ARHGAP25: variants seen among roughly 807,000 people sequenced by gnomAD.
The protein encoded by ARHGAP25 is rho GTPase-activating protein 25.
Under a neutral mutation model 71.0 loss-of-function variants are expected in ARHGAP25, and 34 were observed. The observed-to-expected ratio is 0.48, with a 90% CI of 0.36 to 0.64. The LOEUF is 0.64. ARHGAP25 is among the 30% of genes least tolerant of loss of function. The pLI, the probability that ARHGAP25 is intolerant of heterozygous loss-of-function variation, is 0.00. For synonymous variants in ARHGAP25, 282 were observed against 296.5 expected (o/e 0.95, Z 0.50); for missense variants, 706 against 805.1 (o/e 0.88, Z 1.49).
intron 1 of ARHGAP25, among the ~76,000 whole-genome samples, chr2:68,745,825 G>A (rs1264231806): frequency 3.9e-5 from 6 of 152,222 alleles, no homozygotes; most frequent in Admixed American, 2.0e-4. Context: ...CAAGATCCAT[G>A]TCTGGTGAAG....
chr2:68,776,632 G>C (rs1372544195), intron 2 of ARHGAP25, among the ~76,000 whole-genome samples: 1 of 152,156 alleles, frequency 6.6e-6, no homozygotes, highest in Non-Finnish European at 1.5e-5. Flanking sequence ...GGCCATTGTG[G>C]TGTGTGAGAA....
chr2:68,822,691 A>T lies in ARHGAP25; in HGVS notation c.1552A>T (p.Ser518Cys). ...GCCAGGGTCCCCTGGGGAGGAAGCC[A>T]GTGCACTCTCTTCCCAAGCCTGTGA... ...SLPGSPGEEA[S>C]ALSSQACDSK... Residue 518 changes from serine to cysteine, a missense_variant, in exon 10 of 11, where the codon AGT becomes TGT. By Grantham distance (112) the Ser-to-Cys change is moderately radical. Transcript: ENST00000409202. 6.2e-7 allele frequency: 1 copy of T among 1,614,148 alleles called. No homozygotes were observed. The highest frequency in any genetic ancestry group is 2.2e-5 in the East Asian group (1 of 44,886).
At chr2:68,821,353 G>A (rs1324142276) in intron 9 of ARHGAP25, among the ~76,000 whole-genome samples, 2 of 152,080 alleles carry the variant, frequency 1.3e-5, no homozygotes, top group African/African-American at 4.8e-5. Flanking sequence ...ACCCTCCTCA[G>A]CCTCCCAAAG....
chr2:68,763,434 A>C (rs1250644328), intron 1 of ARHGAP25, among the ~76,000 whole-genome samples: 1 of 152,148 alleles, frequency 6.6e-6, no homozygotes, highest in African/African-American at 2.4e-5. Context: ...CTGTAGTTGC[A>C]TTTTCAGCAA....
intron 1 of ARHGAP25, among the ~76,000 whole-genome samples, chr2:68,758,356 T>A (rs556025530): frequency 4.6e-5 from 7 of 152,010 alleles, no homozygotes; most frequent in African/African-American, 1.4e-4. Flanking sequence ...CTATACGCTG[T>A]CTACAAGAGA....
Position 68,772,327 on chromosome 2 carries a change from C to T in ARHGAP25, c.62-2894C>T, listed in dbSNP as rs939334689. ...TTCTAGCCACCATGTGGCACTTCCC[C>T]TCACTCCTGAGTTGGCTCCATTTGA... On this transcript the variant is annotated intron_variant, in intron 1 of 10. Coordinates refer to ENST00000409202, the MANE Select transcript of ARHGAP25 (RefSeq NM_001007231.3). Among the ~76,000 whole-genome samples, 4 of 152,364 alleles carry T rather than the reference C, an allele frequency of 2.6e-5. No homozygotes were observed. The South Asian group carries it at 6.2e-4, about 24-fold the overall frequency.
At chr2:68,724,621 T>G (rs1321014103) in intron 2 of ARHGAP25, among the ~76,000 whole-genome samples, 2 of 152,250 alleles carry the variant, frequency 1.3e-5, no homozygotes, top group Middle Eastern at 3.2e-3. Context: ...AATGGACCTC[T>G]GCCCTAAACA....
intron 4 of ARHGAP25, among the ~76,000 whole-genome samples, chr2:68,803,663 G>A (rs1289793965): frequency 6.6e-6 from 1 of 151,888 alleles, no homozygotes; most frequent in Admixed American, 6.6e-5. Context: ...TGGAAGAGAT[G>A]GAAGGAATGG....
At chr2:68,775,855 C>G in intron 2 of ARHGAP25, 1 of 357,832 alleles carries the variant, frequency 2.8e-6, no homozygotes, top group Non-Finnish European at 5.5e-6. Flanking sequence ...AGATAAAAAT[C>G]TCTTCCATAT....
chr2:68,782,456 G>C lies in ARHGAP25; in HGVS notation c.349+136G>C, dbSNP rs934424200. The C allele has an allele frequency of 6.9e-5, 49 of 705,378 alleles. No individual in the cohort carries two copies. The African/African-American group carries it at 7.6e-4, about 11-fold the overall frequency. 43.7% of individuals were successfully genotyped at this position (705,378 alleles called of 1,614,324 possible). Reference sequence around the variant, plus strand: ...AACCAGCCTATTGAGAGCCCACAATGGTTCTTTATACAGTTAATGAAGCTA... The same window carrying C: ...AACCAGCCTATTGAGAGCCCACAATCGTTCTTTATACAGTTAATGAAGCTA... On this transcript the variant is annotated intron_variant, in intron 3 of 10. Transcript: ENST00000409202.
intron 1 of ARHGAP25, among the ~76,000 whole-genome samples, chr2:68,739,596 G>A (rs1280107421): frequency 1.3e-5 from 2 of 152,206 alleles, no homozygotes; most frequent in East Asian, 1.9e-4. Context: ...CACCCCAGTC[G>A]AGTGGTCTGA....
intron 4 of ARHGAP25, among the ~76,000 whole-genome samples, chr2:68,803,581 A>G (rs1429284832): frequency 6.6e-6 from 1 of 152,120 alleles, no homozygotes; most frequent in Non-Finnish European, 1.5e-5. Flanking sequence ...ATAAATGGCA[A>G]AGACTTAGAC....
At chr2:68,820,729 A>G (rs1681585507) in intron 9 of ARHGAP25, among the ~76,000 whole-genome samples, 1 of 149,822 alleles carries the variant, frequency 6.7e-6, no homozygotes, top group South Asian at 2.2e-4. Flanking sequence ...TCCCTCCCGT[A>G]TCCCCACCCA....
At chr2:68,753,097 AC>A (rs1228283053) in intron 1 of ARHGAP25, among the ~76,000 whole-genome samples, 1 of 151,530 alleles carries the variant, frequency 6.6e-6, no homozygotes, top group Non-Finnish European at 1.5e-5. Context: ...TGATAAAACC[AC>A]CCCCCAGTTG....
intron 1 of ARHGAP25, among the ~76,000 whole-genome samples, chr2:68,768,927 T>G (rs1040440309): frequency 6.6e-6 from 1 of 152,152 alleles, no homozygotes; most frequent in Non-Finnish European, 1.5e-5. Context: ...TGATCTCATA[T>G]CCTCAGGACC....
chr2:68,782,353 G>A (rs1558634017), intron 3 of ARHGAP25, 33 bp downstream of exon 3: 1 of 1,591,824 alleles, frequency 6.3e-7, no homozygotes, highest in Non-Finnish European at 8.6e-7. Context: ...GAGGTGCAGT[G>A]CAGAAGTAAA....
intron 1 of ARHGAP25, among the ~76,000 whole-genome samples, chr2:68,768,945 G>A (rs1677301998): frequency 6.6e-6 from 1 of 152,102 alleles, no homozygotes; most frequent in Non-Finnish European, 1.5e-5. Context: ...ACCCAAAATT[G>A]TTCTGGTGCA....
chr2:68,798,185 C>G (rs1031715886), intron 4 of ARHGAP25, among the ~76,000 whole-genome samples: 1 of 152,040 alleles, frequency 6.6e-6, no homozygotes, highest in Admixed American at 6.5e-5. Flanking sequence ...TGTTATATAC[C>G]TTGGATTTCT....
Position 68,816,368 on chromosome 2 carries a change from A to C in ARHGAP25, c.881+6A>C, listed in dbSNP as rs763608237. 6.2e-7 allele frequency: 1 copy of C among 1,608,660 alleles called. No individual in the cohort carries two copies. Among genetic ancestry groups the C allele is most frequent in the South Asian group, 1.1e-5 (1 of 90,948 alleles). Reference sequence around the variant, plus strand: ...CTCCTGAGCTACATCTGCAGGTGAGAGGCCCCTGGTATCAACTCTGCAGTT... The same window carrying C: ...CTCCTGAGCTACATCTGCAGGTGAGCGGCCCCTGGTATCAACTCTGCAGTT... On this transcript the variant is annotated splice_donor_region_variant and intron_variant, in intron 7 of 10. Transcript: ENST00000409202.
Sources: allele counts gnomAD v4.1 joint callset (sites outside exome capture counted in the v4.1 genomes callset), GRCh38; gene constraint gnomAD v4.1.1; transcripts MANE v1.5; gene names NCBI Gene and HGNC (gene_info 2026-07-23, HGNC 2026-07-21).